The following EMC10 variants were observed in gnomAD, a reference collection of about 807,000 sequenced individuals.
EMC10 encodes the protein ER membrane protein complex subunit 10.
Under a neutral mutation model 32.2 loss-of-function variants are expected in EMC10, and 40 were observed. That is an observed-to-expected ratio of 1.24 (90% CI 0.96 to 1.61). The LOEUF is 1.61. Among genes scored for constraint, EMC10 ranks in the 40% most tolerant of loss-of-function variants. EMC10 has a pLI of 0.00. For missense variants in EMC10, 402 were observed against 357.7 expected (o/e 1.12, Z -1.00); for synonymous variants, 178 against 158.4 (o/e 1.12, Z -0.93).
At position 50,480,229 on chromosome 19, in the gene EMC10, G is replaced by A. The variant is rs373053492; in HGVS notation, c.402+14G>A. The A allele has an allele frequency of 1.0e-4, 168 of 1,607,404 alleles. No homozygotes were observed. Among genetic ancestry groups the A allele is most frequent in the Non-Finnish European group, 1.3e-4 (158 of 1,175,776 alleles). ...TTTGTCCCTGCGGTGAGTTGGTGTC[G>A]GGGATGAGCCCCCTTCTCCCTCGTC... On this transcript the variant is annotated intron_variant, in intron 4 of 6. Coordinates refer to ENST00000334976, the MANE Select transcript of EMC10 (RefSeq NM_206538.4). This position sits in a 1 kb window ranked among gnomAD's most constrained non-coding sequence, Gnocchi z 4.4.
In EMC10 at chr19:50,484,017, G is replaced by GC. The variant is rs2040362336; in HGVS notation, c.*1759dup. 1 of 61,250 alleles carries GC rather than the reference G, an allele frequency of 1.6e-5. No individual in the cohort carries two copies. Among genetic ancestry groups the GC allele is most frequent in the Non-Finnish European group, 3.1e-5 (1 of 32,480 alleles). 3.8% of individuals were successfully genotyped at this position (61,250 alleles called of 1,614,324 possible). ...GAGGATTCCAGAAATATTTACTAAT[G>GC]CTTTTTTTTTTTTTTTTTTTTTTTT... On this transcript the variant is annotated 3_prime_UTR_variant, in exon 7 of 7. Transcript: ENST00000334976.
rs2040299762 is a variant in EMC10 at position 50,480,468 on chromosome 19, C to T, written c.403-113C>T. On this transcript the variant is annotated intron_variant, in intron 4 of 6. Transcript: ENST00000334976. The surrounding 1 kb of genome is among the most constrained non-coding windows in gnomAD (Gnocchi z 4.4). ...CTTGGGCCTGAGGGTAACAGGGAGC[C>T]ATGGGAAGGTTTTGAAAAATGCTCC... 21 of 1,282,144 alleles carry T rather than the reference C, an allele frequency of 1.6e-5. No individual in the cohort carries two copies. Among genetic ancestry groups the T allele is most frequent in the Non-Finnish European group, 2.1e-5 (20 of 933,276 alleles). The allele number at this position is 1,282,144 out of a possible 1,614,324, so 79.4% of individuals were successfully genotyped here. A position where few individuals can be genotyped will look rare whatever the true frequency, so the allele number is the denominator to read the frequency against.
Position 50,480,987 on chromosome 19 carries a change from G to T in EMC10, c.678+10G>T. ...CTTCTTCGCCAAATACGTGAGTGGG[G>T]CTCCCCCGCCTCCCCTATTCCCTTC... On this transcript the variant is annotated intron_variant, in intron 6 of 6. Coordinates refer to ENST00000334976, the MANE Select transcript of EMC10 (RefSeq NM_206538.4). This position sits in a 1 kb window ranked among gnomAD's most constrained non-coding sequence, Gnocchi z 4.4. 2 of 1,597,648 alleles carry T rather than the reference G, an allele frequency of 1.3e-6. No individual in the cohort carries two copies. Among genetic ancestry groups the T allele is most frequent in the Non-Finnish European group, 1.7e-6 (2 of 1,169,342 alleles).
chr19:50,479,258 C>T (rs970749758), intron 3 of EMC10, among the ~76,000 whole-genome samples, 192 bp downstream of exon 3: 6 of 152,228 alleles, frequency 3.9e-5, no homozygotes, highest in Non-Finnish European at 5.9e-5. Context: ...GTCTTAGCGC[C>T]GCCAGGCATG....
At position 50,483,456 on chromosome 19, in the gene EMC10, G is replaced by A. The variant is rs1188125351; in HGVS notation, c.*1197G>A. The A allele has an allele frequency of 5.8e-6, 1 of 172,830 alleles. No homozygotes were observed. Among genetic ancestry groups the A allele is most frequent in the African/African-American group, 2.4e-5 (1 of 41,836 alleles). The allele number at this position is 172,830 out of a possible 1,614,324, so 10.7% of individuals were successfully genotyped here. A position where few individuals can be genotyped will look rare whatever the true frequency, so the allele number is the denominator to read the frequency against. On this transcript the variant is annotated 3_prime_UTR_variant, in exon 7 of 7. Coordinates refer to ENST00000334976, the MANE Select transcript of EMC10 (RefSeq NM_206538.4). ...TGATCTCGGGATGCATGACTAAAAT[G>A]GAATTACGATGGCAGATCGGAAACG...
Position 50,477,911 on chromosome 19 carries a change from C to T in EMC10, c.115-18C>T. 6.3e-7 allele frequency: 1 copy of T among 1,593,230 alleles called. No homozygotes were observed. Among genetic ancestry groups the T allele is most frequent in the Non-Finnish European group, 8.5e-7 (1 of 1,172,944 alleles). ...GGCTTGGGTGGTCCTCACCTGGGGCCTTCTGTGTCCTCTGCAGGCTGGGGC... is the reference window on the plus strand; with the variant it reads ...GGCTTGGGTGGTCCTCACCTGGGGCTTTCTGTGTCCTCTGCAGGCTGGGGC... On this transcript the variant is annotated intron_variant, in intron 1 of 6. Coordinates refer to ENST00000334976, the MANE Select transcript of EMC10 (RefSeq NM_206538.4).
In EMC10 at chr19:50,480,273, G is replaced by C; in HGVS notation, c.402+58G>C. ...CCTCGTCCTCCTCATCCCCTACCCT[G>C]GTCCTGCTTCCACCATTCGAACCCC... On this transcript the variant is annotated intron_variant, in intron 4 of 6. Coordinates refer to ENST00000334976, the MANE Select transcript of EMC10 (RefSeq NM_206538.4). The surrounding 1 kb of genome is among the most constrained non-coding windows in gnomAD (Gnocchi z 4.4). 6.6e-7 allele frequency: 1 copy of C among 1,506,412 alleles called. No homozygotes were observed. Among genetic ancestry groups the C allele is most frequent in the Non-Finnish European group, 9.1e-7 (1 of 1,096,464 alleles). The allele number at this position is 1,506,412 out of a possible 1,614,324, so 93.3% of individuals were successfully genotyped here.
rs1978415875 is a variant in EMC10, at chr19:50,487,699, G to A, written c.*5440G>A. ...CAAAGGCCCACCAGGCAGGGATGCA[G>A]GGGCCACCTGGAGACGGAGGAGACG... is the stretch of plus-strand genomic sequence containing the variant. On this transcript the variant is annotated 3_prime_UTR_variant, in exon 7 of 7. Coordinates refer to ENST00000334976, the MANE Select transcript of EMC10 (RefSeq NM_206538.4). 1 of 153,208 alleles carries A rather than the reference G, an allele frequency of 6.5e-6. No individual in the cohort carries two copies. Among genetic ancestry groups the A allele is most frequent in the Non-Finnish European group, 1.5e-5 (1 of 68,862 alleles). 9.5% of individuals were successfully genotyped at this position (153,208 alleles called of 1,614,324 possible). A position where few individuals can be genotyped will look rare whatever the true frequency, so the allele number is the denominator to read the frequency against.
intron 1 of EMC10, 165 bp downstream of exon 1, chr19:50,476,823 C>T: frequency 1.1e-5 from 6 of 531,178 alleles, no homozygotes; most frequent in Admixed American, 3.8e-5. Flanking sequence ...GGAGGGGCCT[C>T]GCCAGTGCAC....
rs773098541 is a variant in EMC10, at chr19:50,483,261, A to G, written c.*1002A>G. ...CACTTGATACGTTATTCAGAAACCCAAGGAATGGCTGTCCCCATCCTCATG... is the reference window on the plus strand; with the variant it reads ...CACTTGATACGTTATTCAGAAACCCGAGGAATGGCTGTCCCCATCCTCATG... On this transcript the variant is annotated 3_prime_UTR_variant, in exon 7 of 7. Transcript: ENST00000334976. The G allele has an allele frequency of 7.7e-6, 3 of 388,258 alleles. No homozygotes were observed. Among genetic ancestry groups the G allele is most frequent in the Non-Finnish European group, 1.6e-5 (3 of 188,872 alleles). The allele number at this position is 388,258 out of a possible 1,614,324, so 24.1% of individuals were successfully genotyped here.
Position 50,476,659 on chromosome 19 carries a change from G to A in EMC10, c.114+1G>A. ...CCGGGCCGGGACTGGTGCGCGAGGG[G>A]TGAGTGCTCTTTAGCTGTGCATAGC... is the stretch of plus-strand genomic sequence containing the variant. On this transcript the variant is annotated splice_donor_variant, in intron 1 of 6. Coordinates refer to ENST00000334976, the MANE Select transcript of EMC10 (RefSeq NM_206538.4). LOFTEE classifies it high-confidence loss of function. 1 of 1,519,392 alleles carries A rather than the reference G, an allele frequency of 6.6e-7. No homozygotes were observed. Among genetic ancestry groups the A allele is most frequent in the Non-Finnish European group, 8.8e-7 (1 of 1,137,780 alleles). The allele number at this position is 1,519,392 out of a possible 1,614,324, so 94.1% of individuals were successfully genotyped here. A position where few individuals can be genotyped will look rare whatever the true frequency, so the allele number is the denominator to read the frequency against.
In EMC10 at chr19:50,479,041, G is replaced by A; in HGVS notation, c.272G>A (p.Ser91Asn). ...GTLSLSQRQLSEEERGRLRDV... is the reference protein window; with the variant it reads ...GTLSLSQRQLNEEERGRLRDV... ...TTGTCCCTGTCACAGCGGCAGCTCAGCGAGGAGGAGCGGGGCCGACTCCGG... is the reference window on the plus strand; with the variant it reads ...TTGTCCCTGTCACAGCGGCAGCTCAACGAGGAGGAGCGGGGCCGACTCCGG... Residue 91 changes from serine to asparagine, a missense_variant, in exon 3 of 7, where the codon AGC becomes AAC. Physicochemically the swap from Ser to Asn is conservative, Grantham distance 46 (BLOSUM62 1). Coordinates refer to ENST00000334976, the MANE Select transcript of EMC10 (RefSeq NM_206538.4). The A allele has an allele frequency of 6.2e-7, 1 of 1,608,252 alleles. No homozygotes were observed. The highest frequency in any genetic ancestry group is 8.5e-7 in the Non-Finnish European group (1 of 1,178,348).
At chr19:50,481,635 A>G (rs1409082587) in intron 6 of EMC10, 14 of 549,216 alleles carry the variant, frequency 2.5e-5, no homozygotes, top group Non-Finnish European at 4.1e-5. Context: ...GAGGATGCTG[A>G]GGCTGGGATG....
At chr19:50,478,345 T>G (rs1243869513) in intron 2 of EMC10, among the ~76,000 whole-genome samples, 1 of 152,196 alleles carries the variant, frequency 6.6e-6, no homozygotes. Flanking sequence ...GGTATTCGTG[T>G]CAGCCCCTTT....
At chr19:50,481,054 C>G (rs2040312619) in intron 6 of EMC10, 77 bp downstream of exon 6, 1 of 1,161,634 alleles carries the variant, frequency 8.6e-7, no homozygotes, top group African/African-American at 1.5e-5. Context: ...ATGCTCCCAC[C>G]CAGACTCCCC....
chr19:50,481,211 G>A (rs1356962858), intron 6 of EMC10: 16 of 494,982 alleles, frequency 3.2e-5, no homozygotes, highest in South Asian at 1.3e-4. Context: ...GGGAGGTCTC[G>A]GCCTGAGCTA....
chr19:50,482,098 C>CCT (rs749601368), intron 6 of EMC10, 51 bp from the exon 7 acceptor site: 66 of 1,374,016 alleles, frequency 4.8e-5, no homozygotes, highest in South Asian at 4.2e-4. Flanking sequence ...ACCTCCTTCC[C>CCT]CTCTCTCTCT....
In EMC10 at chr19:50,482,517, C is replaced by T. The variant is rs900723178; in HGVS notation, c.*258C>T. On this transcript the variant is annotated 3_prime_UTR_variant, in exon 7 of 7. Coordinates refer to ENST00000334976, the MANE Select transcript of EMC10 (RefSeq NM_206538.4). ...CCCATGCAGCCCCAGGGGCTTCCCC[C>T]CTGCCCATGGAGTAGAGCCCGAGAT... is the stretch of plus-strand genomic sequence containing the variant. 1.8e-5 allele frequency: 10 copies of T among 563,654 alleles called. No homozygotes were observed. Among genetic ancestry groups the T allele is most frequent in the South Asian group, 4.7e-5 (2 of 42,600 alleles). 34.9% of individuals were successfully genotyped at this position (563,654 alleles called of 1,614,324 possible).
chr19:50,481,147 G>T, intron 6 of EMC10, 170 bp downstream of exon 6: 2 of 603,586 alleles, frequency 3.3e-6, no homozygotes, highest in Middle Eastern at 3.2e-4. Context: ...CAGGAAGAGG[G>T]TATGGAAGTG....
Sources: allele counts gnomAD v4.1 joint callset (sites outside exome capture counted in the v4.1 genomes callset), GRCh38; gene constraint gnomAD v4.1.1; non-coding constraint Gnocchi (gnomAD v3.1); transcripts MANE v1.5; gene names NCBI Gene and HGNC (gene_info 2026-07-23, HGNC 2026-07-21).